UNC79: variants seen among roughly 807,000 people sequenced by gnomAD.
The protein encoded by UNC79 is protein unc-79 homolog.
In UNC79, 37 loss-of-function variants were observed where a neutral mutation model predicts 283.1. That is an observed-to-expected ratio of 0.13 (90% CI 0.10 to 0.17). The LOEUF (loss-of-function observed/expected upper bound fraction) is 0.17, where lower values mean the gene tolerates loss of function less well. UNC79 is among the 10% of genes least tolerant of loss of function. The probability of loss-of-function intolerance (pLI) is 1.00; values close to 1 mark genes in which losing one functional copy is unlikely to be tolerated. For missense variants in UNC79, 2,272 were observed against 3,211.1 expected (o/e 0.71, Z 7.07); for synonymous variants, 1,107 against 1,200.2 (o/e 0.92, Z 1.61).
chr14:93,683,795 TA>T (rs1405946350), intron 42 of UNC79, among the ~76,000 whole-genome samples: 11 of 150,268 alleles, frequency 7.3e-5, no homozygotes, highest in Non-Finnish European at 1.5e-4. Flanking sequence ...AAAAATATTT[TA>T]AAATATAAAA....
chr14:93,699,810 T>C (rs1198506304), intron 47 of UNC79, among the ~76,000 whole-genome samples: 1 of 152,230 alleles, frequency 6.6e-6, no homozygotes, highest in Non-Finnish European at 1.5e-5. Context: ...TAAAGAGATT[T>C]TAAACAAGTT....
chr14:93,513,627 G>A (rs1033430822), intron 7 of UNC79, among the ~76,000 whole-genome samples: 1 of 152,092 alleles, frequency 6.6e-6, no homozygotes, highest in South Asian at 2.1e-4. Context: ...TATTTGGGGT[G>A]TCCATCACCT....
chr14:93,706,117 G>T (rs2075863825), intron 48 of UNC79, among the ~76,000 whole-genome samples: 1 of 152,290 alleles, frequency 6.6e-6, no homozygotes, highest in African/African-American at 2.4e-5. Context: ...AGATGGCCAG[G>T]AGCAGGCCGA....
chr14:93,655,201 A>G, intron 37 of UNC79, 33 bp from the exon 41 acceptor site: 1 of 1,607,642 alleles, frequency 6.2e-7, no homozygotes. Flanking sequence ...GTGCTGTTTC[A>G]GCAGTTGATG....
intron 14 of UNC79, among the ~76,000 whole-genome samples, chr14:93,549,708 T>C (rs2061776973): frequency 6.6e-6 from 1 of 152,186 alleles, no homozygotes; most frequent in Non-Finnish European, 1.5e-5. Context: ...AAAAGAAATG[T>C]ACAGGAAATG....
At chr14:93,634,499 T>C in intron 31 of UNC79, 22 bp from the exon 34 acceptor site, 1 of 1,535,124 alleles carries the variant, frequency 6.5e-7, no homozygotes, top group Non-Finnish European at 9.0e-7. Flanking sequence ...ATTATAATCA[T>C]CTCCTAATTT....
chr14:93,580,425 C>T (rs1365813937), intron 19 of UNC79, 49 bp downstream of exon 19: 3 of 1,537,416 alleles, frequency 2.0e-6, no homozygotes, highest in Admixed American at 1.8e-5. Context: ...GCATTAAAGA[C>T]TGCAGTAGCT....
intron 14 of UNC79, among the ~76,000 whole-genome samples, chr14:93,570,770 C>T (rs2063165540): frequency 1.3e-5 from 2 of 152,192 alleles, no homozygotes; most frequent in Admixed American, 1.3e-4. Context: ...GCTCTTCCAA[C>T]CCAAAGGATC....
chr14:93,505,176 T>C (rs2059467897), intron 7 of UNC79, among the ~76,000 whole-genome samples: 1 of 152,134 alleles, frequency 6.6e-6, no homozygotes, highest in Non-Finnish European at 1.5e-5. Flanking sequence ...AAATTAAATT[T>C]GTAATTGTTT....
chr14:93,425,966 C>T (rs1428908110), upstream of UNC79, among the ~76,000 whole-genome samples: 1 of 152,112 alleles, frequency 6.6e-6, no homozygotes, highest in Non-Finnish European at 1.5e-5. Context: ...TTCCTTCAGC[C>T]TGAAGAACTT....
chr14:93,377,096 CTTTTTTTTTTTT>C (rs3059767), intron 1 of UNC79, among the ~76,000 whole-genome samples: 3 of 108,088 alleles, frequency 2.8e-5, no homozygotes, highest in African/African-American at 1.1e-4. Flanking sequence ...ATAGTTGTTT[CTTTTTTTTTTTT>C]TTTTTTTTGA....
upstream of UNC79, among the ~76,000 whole-genome samples, chr14:93,428,163 G>A (rs916679089): frequency 6.6e-6 from 1 of 152,136 alleles, no homozygotes; most frequent in African/African-American, 2.4e-5. Flanking sequence ...ATAGCAGGTA[G>A]GGTAGTGAGG....
rs147901413 is a variant in UNC79 at position 93,499,599 on chromosome 14, C to T, written c.898+2313C>T. ...ACTATTAGGCAGGCATTATTCTAGG[C>T]GCTTTTGGTGAAGCAGTAAAGAAAA... On this transcript the variant is annotated intron_variant, in intron 7 of 48. Coordinates refer to ENST00000555664, the Ensembl canonical transcript of UNC79. Among the ~76,000 whole-genome samples the T allele has an allele frequency of 9.2e-5, 14 of 152,024 alleles. No individual in the cohort carries two copies. In the South Asian group the frequency reaches 1.9e-3, roughly 20 times the overall value.
At chr14:93,347,517 G>A (rs1382241936) in intron 1 of UNC79, 1 of 1,189,880 alleles carries the variant, frequency 8.4e-7, no homozygotes, top group East Asian at 3.2e-5. Flanking sequence ...TTGTGGCTTG[G>A]TCGCCGTTGG....
rs534545726 is a variant in UNC79 at position 93,468,489 on chromosome 14, T to C, written c.143+698T>C. 1.4e-4 allele frequency among the ~76,000 whole-genome samples: 21 copies of C among 152,336 alleles called. No individual in the cohort carries two copies. In the South Asian group the frequency reaches 4.4e-3, roughly 32 times the overall value. ...TCACGTTCCATTAAATTCCAAGATGTGGTTTCTCCATTACCACGGTCTTCT... is the reference window on the plus strand; with the variant it reads ...TCACGTTCCATTAAATTCCAAGATGCGGTTTCTCCATTACCACGGTCTTCT... On this transcript the variant is annotated intron_variant, in intron 2 of 48. Coordinates refer to ENST00000555664, the Ensembl canonical transcript of UNC79.
chr14:93,605,948 C>T (rs922970356), intron 26 of UNC79, among the ~76,000 whole-genome samples: 3 of 152,100 alleles, frequency 2.0e-5, no homozygotes, highest in Admixed American at 6.6e-5. Flanking sequence ...ACACATCGCT[C>T]ATGTACGCTA....
chr14:93,505,523 A>T (rs2059489858), intron 7 of UNC79, among the ~76,000 whole-genome samples: 1 of 151,840 alleles, frequency 6.6e-6, no homozygotes, highest in African/African-American at 2.4e-5. Flanking sequence ...CCATCTTTTA[A>T]TTTTCAATTT....
chr14:93,555,283 T>C (rs1050652558), intron 14 of UNC79, among the ~76,000 whole-genome samples: 1 of 136,116 alleles, frequency 7.3e-6, no homozygotes, highest in African/African-American at 2.8e-5. Context: ...GGATGTCTTT[T>C]ACATATCTTG....
At chr14:93,643,759 TA>T in intron 34 of UNC79, 62 bp downstream of exon 37, 3 of 1,578,676 alleles carry the variant, frequency 1.9e-6, no homozygotes, top group East Asian at 2.2e-5. Context: ...TATCTTGAAC[TA>T]AAAACTACCA....
Sources: gnomAD v4.1 joint callset for allele counts (sites outside exome capture counted in the v4.1 genomes callset) on GRCh38, gnomAD v4.1.1 for gene constraint, MANE v1.5 for transcripts, NCBI Gene and HGNC (gene_info 2026-07-23, HGNC 2026-07-21) for gene names.